The following ATXN7L1 variants were observed in gnomAD, a reference collection of about 807,000 sequenced individuals.
ATXN7L1 encodes ataxin-7-like protein 1.
ATXN7L1 carries 15 observed loss-of-function variants against 70.8 expected under a neutral mutation model. That is an observed-to-expected ratio of 0.21 (90% CI 0.14 to 0.33). The LOEUF is 0.33. Among genes scored for constraint, ATXN7L1 ranks in the 10% least tolerant of loss-of-function variants. The pLI is 1.00. For missense variants in ATXN7L1, 975 were observed against 1,097.1 expected (o/e 0.89, Z 1.57); for synonymous variants, 440 against 445.1 (o/e 0.99, Z 0.14).
intron 7 of ATXN7L1, among the ~76,000 whole-genome samples, chr7:105,630,061 G>A (rs1375018124): frequency 1.3e-5 from 2 of 150,554 alleles, no homozygotes; most frequent in African/African-American, 4.9e-5. Flanking sequence ...CAAGTGATCC[G>A]CCCACCTCAG....
Position 105,699,286 on chromosome 7 carries a change from T to C in ATXN7L1, c.356-33998A>G, listed in dbSNP as rs143506299. ...TAGCTGGGATTACAGGCATGCACCA[T>C]CACGCCCAGCTAATTTTGTATTTTT... On this transcript the variant is annotated intron_variant, in intron 3 of 11. Transcript: ENST00000419735. Among the ~76,000 whole-genome samples, 1,132 of 152,230 alleles carry C rather than the reference T, an allele frequency of 7.4e-3. 15 individuals carry two copies. The highest frequency in any genetic ancestry group is 0.011 in the Non-Finnish European group (726 of 67,994).
Position 105,619,653 on chromosome 7 carries a change from C to T in ATXN7L1, c.1517+547G>A, listed in dbSNP as rs566471273. On this transcript the variant is annotated intron_variant, in intron 9 of 11. Transcript: ENST00000419735. ...GTGACCTTGAACTCTTGGCCTGAAG[C>T]GATCCTCCCACCCCAGGCCTTTCAA... is the stretch of plus-strand genomic sequence containing the variant. Among the ~76,000 whole-genome samples, 31 of 148,160 alleles carry T rather than the reference C, an allele frequency of 2.1e-4. No individual in the cohort carries two copies. In the South Asian group the frequency reaches 4.8e-3, roughly 23 times the overall value.
chr7:105,649,437 C>A, intron 4 of ATXN7L1: 8 of 987,742 alleles, frequency 8.1e-6, no homozygotes, highest in Non-Finnish European at 9.6e-6. Flanking sequence ...TTTAGTTGCC[C>A]ACGTCTTCTT....
chr7:105,693,845 G>T (rs1441420858), intron 3 of ATXN7L1, among the ~76,000 whole-genome samples: 4 of 152,064 alleles, frequency 2.6e-5, no homozygotes, highest in African/African-American at 9.7e-5. Flanking sequence ...GTTTCACTGG[G>T]ATCTGAAATG....
intron 7 of ATXN7L1, among the ~76,000 whole-genome samples, chr7:105,631,489 T>C (rs545564201): frequency 7.9e-5 from 12 of 152,236 alleles, no homozygotes; most frequent in Admixed American, 2.6e-4. Context: ...GTAAACTTTC[T>C]GGAGTCTCGC....
intron 2 of ATXN7L1, among the ~76,000 whole-genome samples, chr7:105,794,014 A>T (rs1805642152): frequency 8.4e-6 from 1 of 119,410 alleles, no homozygotes; most frequent in Non-Finnish European, 1.6e-5. Flanking sequence ...CCATCCATCC[A>T]TCCATCATCC....
chr7:105,791,093 T>C (rs1805159855), intron 2 of ATXN7L1, among the ~76,000 whole-genome samples: 1 of 152,236 alleles, frequency 6.6e-6, no homozygotes, highest in South Asian at 2.1e-4. Flanking sequence ...CTGACAGGTT[T>C]ATCATAGGCA....
intron 2 of ATXN7L1, among the ~76,000 whole-genome samples, chr7:105,834,753 A>G (rs1007321278): frequency 6.6e-6 from 1 of 152,182 alleles, no homozygotes; most frequent in African/African-American, 2.4e-5. Context: ...AACAACTTCA[A>G]TAACGTTCAG....
chr7:105,812,832 C>T (rs1808623634), intron 2 of ATXN7L1, among the ~76,000 whole-genome samples: 1 of 152,112 alleles, frequency 6.6e-6, no homozygotes, highest in Admixed American at 6.5e-5. Context: ...GAAACCCTGT[C>T]TCTAGAAAAA....
chr7:105,757,468 A>G (rs1799942381), intron 3 of ATXN7L1, among the ~76,000 whole-genome samples: 2 of 151,270 alleles, frequency 1.3e-5, no homozygotes, highest in Non-Finnish European at 2.9e-5. Flanking sequence ...TGATGTGTGC[A>G]TTTAAAATTC....
At chr7:105,744,497 A>T (rs1798357544) in intron 3 of ATXN7L1, among the ~76,000 whole-genome samples, 1 of 152,124 alleles carries the variant, frequency 6.6e-6, no homozygotes, top group African/African-American at 2.4e-5. Flanking sequence ...TCCATGTGTC[A>T]GCAGCACTGT....
At chr7:105,704,589 T>C (rs1361430619) in intron 3 of ATXN7L1, among the ~76,000 whole-genome samples, 198 of 136,022 alleles carry the variant, frequency 1.5e-3, no homozygotes, top group African/African-American at 3.9e-3. Flanking sequence ...TATCTCTTTT[T>C]TTTTTTTTTT....
chr7:105,744,894 C>T (rs1048216640), intron 3 of ATXN7L1, among the ~76,000 whole-genome samples: 12 of 151,900 alleles, frequency 7.9e-5, no homozygotes, highest in African/African-American at 2.2e-4. Context: ...CCCACCACCA[C>T]GCCCAGCTAA....
chr7:105,662,010 TTTTC>T (rs137986390), intron 4 of ATXN7L1, among the ~76,000 whole-genome samples: 40,884 of 131,670 alleles, frequency 0.31, 7,813 homozygotes, highest in East Asian at 0.67. Flanking sequence ...AGATTCTTTC[TTTTC>T]TTTCTTTCTT....
chr7:105,700,196 G>C (rs1000924571), intron 3 of ATXN7L1, among the ~76,000 whole-genome samples: 2 of 152,042 alleles, frequency 1.3e-5, no homozygotes, highest in Non-Finnish European at 2.9e-5. Flanking sequence ...AATGACTGGG[G>C]CTGGTGGTGC....
chr7:105,693,203 T>G (rs150281434), intron 3 of ATXN7L1, among the ~76,000 whole-genome samples: 1 of 152,036 alleles, frequency 6.6e-6, no homozygotes, highest in African/African-American at 2.4e-5. Context: ...TTTGTTTTTG[T>G]TTTAAATAGA....
intron 3 of ATXN7L1, among the ~76,000 whole-genome samples, chr7:105,711,471 G>C (rs1055371035): frequency 3.3e-5 from 5 of 152,346 alleles, no homozygotes; most frequent in African/African-American, 1.2e-4. Context: ...AGATACATTG[G>C]GGGTACAGGC....
intron 6 of ATXN7L1, among the ~76,000 whole-genome samples, chr7:105,639,129 C>A (rs998948402): frequency 6.6e-6 from 1 of 152,196 alleles, no homozygotes; most frequent in Non-Finnish European, 1.5e-5. Context: ...CCCTCCAGGG[C>A]TGCCTTTCAG....
chr7:105,857,325 C>T (rs996486532), intron 2 of ATXN7L1, among the ~76,000 whole-genome samples: 2 of 152,196 alleles, frequency 1.3e-5, no homozygotes, highest in African/African-American at 2.4e-5. Flanking sequence ...ACTGAGATAT[C>T]TTCCTTCCCT....
Sources: gnomAD v4.1 joint callset for allele counts (sites outside exome capture counted in the v4.1 genomes callset) on GRCh38, gnomAD v4.1.1 for gene constraint, MANE v1.5 for transcripts, NCBI Gene and HGNC (gene_info 2026-07-23, HGNC 2026-07-21) for gene names.